The following CNTN6 variants were observed in gnomAD, a reference collection of about 807,000 sequenced individuals.
CNTN6 encodes contactin 6.
A neutral mutation model predicts 122.8 loss-of-function variants in CNTN6; 137 were observed. The observed-to-expected ratio is 1.12, with a 90% CI of 0.97 to 1.29. The LOEUF is 1.29. Ranked by LOEUF, CNTN6 falls within the 50% of genes most tolerant of loss-of-function variation. The pLI is 0.00. For synonymous variants in CNTN6, 570 were observed against 426.0 expected, an observed-to-expected ratio of 1.34 and a Z score of -4.16; for missense variants, 1,634 against 1,223.4, an observed-to-expected ratio of 1.34 and a Z score of -5.01.
chr3:1,367,789 A>C lies in CNTN6; in HGVS notation c.1493-4510A>C, dbSNP rs562936613. Among the ~76,000 whole-genome samples, 27 of 152,212 alleles carry C rather than the reference A, an allele frequency of 1.8e-4. No homozygotes were observed. The East Asian group carries it at 3.3e-3, about 19-fold the overall frequency. The stretch of plus-strand genomic sequence containing the variant: ...GGCACATCAGAACCTGGGCCTCTTA[A>C]AGGGATGGAGATAATGGTGGTAGCA... On this transcript the variant is annotated intron_variant, in intron 12 of 22. Coordinates refer to ENST00000446702, the MANE Select transcript of CNTN6 (RefSeq NM_001289080.2).
chr3:1,336,369 T>C (rs1305087113), intron 11 of CNTN6, among the ~76,000 whole-genome samples: 2 of 152,086 alleles, frequency 1.3e-5, no homozygotes, highest in Non-Finnish European at 2.9e-5. Flanking sequence ...TGATTAAATT[T>C]GTATCATTTT....
At position 1,295,726 on chromosome 3, in the gene CNTN6, T is replaced by A. The variant is rs370824587; in HGVS notation, c.580T>A (p.Tyr194Asn). The A allele has an allele frequency of 6.2e-7, 1 of 1,614,084 alleles. No homozygotes were observed. The highest frequency in any genetic ancestry group is 8.5e-7 in the Non-Finnish European group (1 of 1,179,926). Residue 194 changes from tyrosine (Y) to asparagine (N), a missense_variant, in exon 6 of 23, where the codon TAC becomes AAC. Tyr to Asn is a moderately radical substitution (Grantham distance 143, BLOSUM62 -2). Transcript: ENST00000446702. ...AKVEPSDVGNYTCFITNKEAQ... is the reference protein window; with the variant it reads ...AKVEPSDVGNNTCFITNKEAQ... ...AGTGGAACCATCAGATGTGGGCAAC[T>A]ACACTTGCTTTATAACTAACAAAGA...
intron 7 of CNTN6, among the ~76,000 whole-genome samples, chr3:1,303,422 G>A (rs1697776202): frequency 6.6e-6 from 1 of 152,056 alleles, no homozygotes. Flanking sequence ...TTTCTAGCTA[G>A]GGTTAGACTG....
At chr3:1,193,881 T>A (rs749918470) in intron 2 of CNTN6, among the ~76,000 whole-genome samples, 1 of 152,170 alleles carries the variant, frequency 6.6e-6, no homozygotes, top group Non-Finnish European at 1.5e-5. Flanking sequence ...TCAATACGTT[T>A]TAAGAATTGT....
At chr3:1,385,824 A>G in intron 20 of CNTN6, 27 bp downstream of exon 20, 4 of 1,565,470 alleles carry the variant, frequency 2.6e-6, no homozygotes, top group Non-Finnish European at 3.5e-6. Context: ...TCCAGGAAAC[A>G]AGATTCATCT....
chr3:1,159,390 T>C (rs1257865141), intron 2 of CNTN6, among the ~76,000 whole-genome samples: 4 of 152,088 alleles, frequency 2.6e-5, no homozygotes, highest in Non-Finnish European at 4.4e-5. Flanking sequence ...TGGAGCAGGA[T>C]GGTGTGGGAT....
At chr3:1,361,322 A>G (rs1707431482) in intron 12 of CNTN6, among the ~76,000 whole-genome samples, 1 of 152,102 alleles carries the variant, frequency 6.6e-6, no homozygotes, top group South Asian at 2.1e-4. Context: ...AGAAGCTACA[A>G]TGTTGCTATT....
rs572007465 is a variant in CNTN6, at chr3:1,360,663, C to T, written c.1492+8212C>T. ...ATAGCTGTACCTACCCTTTGTATCT[C>T]ATCCAGTTTTATGTTTCTAAATATT... On this transcript the variant is annotated intron_variant, in intron 12 of 22. Coordinates refer to ENST00000446702, the MANE Select transcript of CNTN6 (RefSeq NM_001289080.2). 6.8e-3 allele frequency among the ~76,000 whole-genome samples: 1,029 copies of T among 151,770 alleles called. 7 individuals are homozygous for T. Among genetic ancestry groups the T allele is most frequent in the Non-Finnish European group, 0.011 (750 of 67,920 alleles).
At chr3:1,295,233 C>T (rs903943498) in intron 5 of CNTN6, among the ~76,000 whole-genome samples, 6 of 152,212 alleles carry the variant, frequency 3.9e-5, no homozygotes, top group African/African-American at 1.4e-4. Flanking sequence ...CTGAGAAACA[C>T]TGCTTTGAAG....
intron 1 of CNTN6, among the ~76,000 whole-genome samples, chr3:1,108,367 A>C (rs149536883): frequency 2.0e-5 from 3 of 152,084 alleles, no homozygotes; most frequent in African/African-American, 7.2e-5. Context: ...TATAAGCTTT[A>C]TACATATAAC....
At chr3:1,328,829 C>T (rs1701885924) in intron 10 of CNTN6, among the ~76,000 whole-genome samples, 1 of 151,640 alleles carries the variant, frequency 6.6e-6, no homozygotes, top group Non-Finnish European at 1.5e-5. Context: ...TGGATTCCAA[C>T]ATTCATGAAG....
chr3:1,325,843 A>G lies in CNTN6; in HGVS notation c.975A>G (p.Gln325=), dbSNP rs750015211. 8 of 1,611,390 alleles carry G rather than the reference A, an allele frequency of 5.0e-6. No individual in the cohort carries two copies. The Admixed American group carries it at 1.3e-4, about 27-fold the overall frequency. The change falls in exon 9 of 23, where the codon CAA becomes CAG. Residue 325 remains glutamine, a synonymous_variant. Coordinates refer to ENST00000446702, the MANE Select transcript of CNTN6 (RefSeq NM_001289080.2). ...CTCCAGAATGGGAACAGAAAATCCA[A>G]AATACACACCTCTCTATCTATGACA... The part of the protein sequence containing the change: ...YAPPEWEQKI[Q]NTHLSIYDNL...
chr3:1,131,223 G>A (rs1049170764), intron 1 of CNTN6, among the ~76,000 whole-genome samples: 1 of 152,072 alleles, frequency 6.6e-6, no homozygotes, highest in African/African-American at 2.4e-5. Flanking sequence ...TGGAAATGTA[G>A]TGCTGAGCTC....
chr3:1,131,458 A>C (rs1401067552), intron 1 of CNTN6, among the ~76,000 whole-genome samples: 2 of 152,064 alleles, frequency 1.3e-5, no homozygotes. Context: ...TGAGTGTTCA[A>C]TGAATGGAGA....
chr3:1,356,988 T>G (rs1220754388), intron 12 of CNTN6, among the ~76,000 whole-genome samples: 1 of 151,940 alleles, frequency 6.6e-6, no homozygotes, highest in Non-Finnish European at 1.5e-5. Context: ...ATCAATGTTG[T>G]CTTGGTCTTC....
rs1321029939 is a variant in CNTN6, at chr3:1,333,180, A to T, written c.1364+3245A>T. ...ATATATTAGGAGCCAGGGACAGAGTATTGCACATAAAGGTTGACTGGGCAA... is the reference window on the plus strand; with the variant it reads ...ATATATTAGGAGCCAGGGACAGAGTTTTGCACATAAAGGTTGACTGGGCAA... On this transcript the variant is annotated intron_variant, in intron 11 of 22. Coordinates refer to ENST00000446702, the MANE Select transcript of CNTN6 (RefSeq NM_001289080.2). Among the ~76,000 whole-genome samples the T allele has an allele frequency of 5.3e-5, 8 of 152,014 alleles. No homozygotes were observed. In the East Asian group the frequency reaches 1.5e-3, roughly 29 times the overall value.
intron 11 of CNTN6, among the ~76,000 whole-genome samples, chr3:1,339,481 C>T (rs1290782324): frequency 1.3e-5 from 2 of 152,140 alleles, no homozygotes; most frequent in Non-Finnish European, 2.9e-5. Context: ...AAGCCCACAG[C>T]TCCGGTGCAG....
intron 1 of CNTN6, among the ~76,000 whole-genome samples, chr3:1,098,816 A>ATATG (rs2090695335): frequency 1.4e-5 from 2 of 143,916 alleles, no homozygotes; most frequent in Non-Finnish European, 3.0e-5. Flanking sequence ...ATATATATAT[A>ATATG]TAGTGGGAAA....
At chr3:1,316,547 AT>A (rs1700123031) in intron 7 of CNTN6, among the ~76,000 whole-genome samples, 1 of 151,786 alleles carries the variant, frequency 6.6e-6, no homozygotes, top group African/African-American at 2.4e-5. Context: ...CTCCCACCAG[AT>A]CCCCACCTTC....
Sources: allele counts gnomAD v4.1 joint callset (sites outside exome capture counted in the v4.1 genomes callset), GRCh38; gene constraint gnomAD v4.1.1; transcripts MANE v1.5; gene names NCBI Gene and HGNC (gene_info 2026-07-23, HGNC 2026-07-21).